The following NPIPB15 variants were observed in gnomAD, a reference collection of about 807,000 sequenced individuals.
NPIPB15 encodes the protein nuclear pore complex interacting protein family member B15.
Under a neutral mutation model 35.9 loss-of-function variants are expected in NPIPB15, and 5 were observed. That is an observed-to-expected ratio of 0.14 (90% CI 0.07 to 0.29). NPIPB15 has a LOEUF of 0.29. NPIPB15 is among the 10% of genes least tolerant of loss of function. The pLI is 1.00. For synonymous variants in NPIPB15, 43 were observed against 182.0 expected (o/e 0.24, Z 6.15); for missense variants, 100 against 506.1 (o/e 0.20, Z 7.70).
intron 2 of NPIPB15, among the ~76,000 whole-genome samples, chr16:74,379,765 A>C (rs879740412): frequency 6.6e-6 from 1 of 151,850 alleles, no homozygotes; most frequent in Non-Finnish European, 1.5e-5. Flanking sequence ...AATTTTTTGT[A>C]ATTTTAGTAG....
chr16:74,381,121 C>G lies in NPIPB15; in HGVS notation c.67-395C>G, dbSNP rs1164691837. The stretch of plus-strand genomic sequence containing the variant: ...TTGCACCACTGCACTCCAGCCTGGG[C>G]GACTGAGTGGAGCGGAACTCTGTCT... On this transcript the variant is annotated intron_variant, in intron 2 of 7. Transcript: ENST00000692376. Among the ~76,000 whole-genome samples the G allele has an allele frequency of 2.4e-5, 3 of 126,538 alleles. No homozygotes were observed. The South Asian group carries it at 7.3e-4, about 31-fold the overall frequency. The allele number at this position is 126,538 out of a possible 152,430, so 83.0% of individuals were successfully genotyped here. A position where few individuals can be genotyped will look rare whatever the true frequency, so the allele number is the denominator to read the frequency against.
intron 2 of NPIPB15, among the ~76,000 whole-genome samples, chr16:74,378,519 G>A (rs1386697719): frequency 9.9e-5 from 14 of 142,062 alleles, no homozygotes; most frequent in African/African-American, 2.4e-4. Context: ...CTCCGCTTCC[G>A]GGGTTCAAGC....
chr16:74,378,840 G>A (rs2011825062), intron 2 of NPIPB15, among the ~76,000 whole-genome samples: 1 of 151,726 alleles, frequency 6.6e-6, no homozygotes, highest in Non-Finnish European at 1.5e-5. Flanking sequence ...CTCCCTTGTT[G>A]TCCAGGCTGG....
At chr16:74,385,031 GTGTGAC>G (rs1465239313) in intron 3 of NPIPB15, among the ~76,000 whole-genome samples, 1 of 132,436 alleles carries the variant, frequency 7.6e-6, no homozygotes, top group African/African-American at 2.9e-5. Context: ...GTGTGTGTGT[GTGTGAC>G]AGAGTCTCAT....
chr16:74,387,973 C>T (rs1292331161), intron 5 of NPIPB15, among the ~76,000 whole-genome samples: 2 of 151,942 alleles, frequency 1.3e-5, no homozygotes, highest in East Asian at 2.0e-4. Context: ...TGAACTGAAC[C>T]TTGTTAAAGT....
At chr16:74,378,313 C>G (rs1053226791) in intron 2 of NPIPB15, among the ~76,000 whole-genome samples, 1 of 150,854 alleles carries the variant, frequency 6.6e-6, no homozygotes, top group Non-Finnish European at 1.5e-5. Flanking sequence ...GGCCCAGGAG[C>G]TGGACGTTGC....
intron 2 of NPIPB15, among the ~76,000 whole-genome samples, chr16:74,378,459 C>G (rs2011798832): frequency 8.0e-6 from 1 of 124,766 alleles, no homozygotes; most frequent in African/African-American, 3.1e-5. Flanking sequence ...CAGAGTCTCA[C>G]TCTGTCGCCC....
intron 7 of NPIPB15, chr16:74,390,772 A>G (rs983804459): frequency 1.5e-5 from 1 of 66,270 alleles, no homozygotes; most frequent in African/African-American, 5.9e-5. Flanking sequence ...GCTGGAATCA[A>G]CTTCCACTCT....
Position 74,387,642 on chromosome 16 carries a change from T to G in NPIPB15, c.545+1893T>G, listed in dbSNP as rs1224990387. On this transcript the variant is annotated intron_variant, in intron 5 of 7. Transcript: ENST00000692376. Reference sequence around the variant, plus strand: ...GTCCTCACTGGCTTCTCATTTGCATTAAACTGTGAGCTTCTTTAGCGTGGG... The same window carrying G: ...GTCCTCACTGGCTTCTCATTTGCATGAAACTGTGAGCTTCTTTAGCGTGGG... 3.9e-4 allele frequency among the ~76,000 whole-genome samples: 60 copies of G among 151,948 alleles called. No homozygotes were observed. In the Middle Eastern group the frequency reaches 0.01, roughly 26 times the overall value.
chr16:74,389,418 G>C lies in NPIPB15; in HGVS notation c.546-407G>C, dbSNP rs562357157. ...GATGGAGTCTCACTGTGTCACCCAG[G>C]CTGGAGTGCAATGACGTGATCTTGG... On this transcript the variant is annotated intron_variant, in intron 5 of 7. Coordinates refer to ENST00000692376, the MANE Select transcript of NPIPB15 (RefSeq NM_001306094.2). Among the ~76,000 whole-genome samples the C allele has an allele frequency of 2.0e-5, 3 of 149,902 alleles. No individual in the cohort carries two copies. The East Asian group carries it at 5.9e-4, about 30-fold the overall frequency.
intron 1 of NPIPB15, among the ~76,000 whole-genome samples, 103 bp downstream of exon 1, chr16:74,377,449 A>G (rs2011717600): frequency 6.6e-6 from 1 of 151,846 alleles, no homozygotes; most frequent in South Asian, 2.1e-4. Context: ...GGCATTGTCC[A>G]TTGTGAGGCA....
chr16:74,387,419 T>C (rs1211782146), intron 5 of NPIPB15, among the ~76,000 whole-genome samples: 1 of 149,700 alleles, frequency 6.7e-6, no homozygotes, highest in Non-Finnish European at 1.5e-5. Flanking sequence ...TCACCTCATG[T>C]CTGTTTACTG....
rs2011673684 is a variant in NPIPB15, at chr16:74,376,560, A to C, written c.-809A>C. On this transcript the variant is annotated 5_prime_UTR_variant, in exon 1 of 8. Coordinates refer to ENST00000692376, the MANE Select transcript of NPIPB15 (RefSeq NM_001306094.2). ...TTCTTGAAATGCACAGATTCCTTGG[A>C]CGTCCCTGAGAGGTCAATGATGAAG... 6.6e-6 allele frequency among the ~76,000 whole-genome samples: 1 copy of C among 151,316 alleles called. No homozygotes were observed. Among genetic ancestry groups the C allele is most frequent in the South Asian group, 2.1e-4 (1 of 4,784 alleles).
At chr16:74,377,536 A>G (rs1433262498) in intron 1 of NPIPB15, among the ~76,000 whole-genome samples, 190 bp downstream of exon 1, 1 of 152,150 alleles carries the variant, frequency 6.6e-6, no homozygotes, top group Non-Finnish European at 1.5e-5. Flanking sequence ...AGACCGAAGA[A>G]GGTTTGGTGG....
At chr16:74,380,806 AGAGT>A (rs1179919902) in intron 2 of NPIPB15, among the ~76,000 whole-genome samples, 2 of 148,618 alleles carry the variant, frequency 1.3e-5, no homozygotes, top group Non-Finnish European at 3.0e-5. Flanking sequence ...CCTGGGTGAC[AGAGT>A]GAGACCCCAT....
chr16:74,388,415 C>T lies in NPIPB15; in HGVS notation c.546-1410C>T, dbSNP rs189969197. ...ACTGACCCCAGACACACACATAGTG[C>T]ACCTCATAGAAGCTTTTAATAGTCT... On this transcript the variant is annotated intron_variant, in intron 5 of 7. Coordinates refer to ENST00000692376, the MANE Select transcript of NPIPB15 (RefSeq NM_001306094.2). The T allele has an allele frequency of 2.0e-3, 1,943 of 950,390 alleles. 179 individuals carry two copies. The highest frequency in any genetic ancestry group is 2.3e-3 in the Non-Finnish European group (1,832 of 804,546). 58.9% of individuals were successfully genotyped at this position (950,390 alleles called of 1,614,324 possible).
chr16:74,384,999 G>GTGTGTGTGTC (rs2012192603), intron 3 of NPIPB15, among the ~76,000 whole-genome samples: 3 of 34,156 alleles, frequency 8.8e-5, no homozygotes, highest in African/African-American at 1.6e-4. Context: ...TCTTGTGTGT[G>GTGTGTGTGTC]TGTGTGTGTG....
chr16:74,387,757 C>T (rs1359938760), intron 5 of NPIPB15, among the ~76,000 whole-genome samples: 1 of 151,640 alleles, frequency 6.6e-6, no homozygotes, highest in Non-Finnish European at 1.5e-5. Flanking sequence ...GAAGGATGCC[C>T]TGTGGTCAGA....
Position 74,384,668 on chromosome 16 carries a change from A to ATTTTTTTTTTTT in NPIPB15, c.250-656_250-645dup, listed in dbSNP as rs1186582416. On this transcript the variant is annotated intron_variant, in intron 3 of 7. Coordinates refer to ENST00000692376, the MANE Select transcript of NPIPB15 (RefSeq NM_001306094.2). ...AGGCGTGAGCTACCGCACCTGGCCT[A>ATTTTTTTTTTTT]TTTTTTTTTTTTTTTTTTTTTTTTT... Among the ~76,000 whole-genome samples the ATTTTTTTTTTTT allele has an allele frequency of 3.2e-5, 2 of 61,552 alleles. 1 individual carries two copies. The allele number at this position is 61,552 out of a possible 152,430, so 40.4% of individuals were successfully genotyped here. A position where few individuals can be genotyped will look rare whatever the true frequency, so the allele number is the denominator to read the frequency against.
Sources: gnomAD v4.1 joint callset for allele counts (sites outside exome capture counted in the v4.1 genomes callset) on GRCh38, gnomAD v4.1.1 for gene constraint, MANE v1.5 for transcripts, NCBI Gene and HGNC (gene_info 2026-07-23, HGNC 2026-07-21) for gene names.